Variants in CREB3L3 observed in about 807,000 individuals in gnomAD.
CREB3L3 encodes the protein cAMP responsive element binding protein 3 like 3, also known as cyclic AMP-responsive element-binding protein 3-like protein 3.
CREB3L3 carries 40 observed loss-of-function variants against 44.6 expected under a neutral mutation model. That is an observed-to-expected ratio of 0.90 (90% CI 0.70 to 1.17). The LOEUF (loss-of-function observed/expected upper bound fraction) is 1.17, where lower values mean the gene tolerates loss of function less well. Ranked by LOEUF, CREB3L3 falls within the 50% of genes most tolerant of loss-of-function variation. CREB3L3 has a pLI of 0.00. For missense variants in CREB3L3, 578 were observed against 595.8 expected (o/e 0.97, Z 0.31); for synonymous variants, 273 against 256.3 (o/e 1.06, Z -0.62).
rs185261549 is a variant in CREB3L3 at position 4,162,649 on chromosome 19, A to G, written c.577-1854A>G. On this transcript the variant is annotated intron_variant, in intron 4 of 9. Transcript: ENST00000078445. Reference sequence around the variant, plus strand: ...CAGTTAGCTATGATCACACGACTGCACTCCAGCCTGGGTGACACAGTGACA... The same window carrying G: ...CAGTTAGCTATGATCACACGACTGCGCTCCAGCCTGGGTGACACAGTGACA... Among the ~76,000 whole-genome samples the G allele has an allele frequency of 2.9e-3, 442 of 152,036 alleles. 3 individuals carry two copies. Among genetic ancestry groups the G allele is most frequent in the African/African-American group, 0.01 (427 of 41,464 alleles).
rs1967051991 is a variant in CREB3L3 at position 4,171,710 on chromosome 19, T to C, written c.1127T>C (p.Val376Ala). The C allele has an allele frequency of 4.3e-6, 7 of 1,613,132 alleles. No individual in the cohort carries two copies. The highest frequency in any genetic ancestry group is 1.6e-4 in the Middle Eastern group (1 of 6,084). ...DAASRVAADAVPGSEAPGPRP... is the reference protein window; with the variant it reads ...DAASRVAADAAPGSEAPGPRP... ...GCCTCCCGCGTGGCTGCTGATGCTG[T>C]GCCAGGCTCCGAGGCCCCAGGACCC... The change falls in exon 10 of 10, where the codon GTG becomes GCG. Residue 376 changes from valine (V) to alanine (A), a missense_variant. Val to Ala is a moderately conservative substitution (Grantham distance 64). Coordinates refer to ENST00000078445, the MANE Select transcript of CREB3L3 (RefSeq NM_032607.3). The surrounding 1 kb of genome is among the most constrained non-coding windows in gnomAD (Gnocchi z 4.9).
intron 2 of CREB3L3, among the ~76,000 whole-genome samples, 158 bp from the exon 3 acceptor site, chr19:4,156,837 A>G (rs2041586673): frequency 6.7e-6 from 1 of 150,368 alleles, no homozygotes; most frequent in Non-Finnish European, 1.5e-5. Context: ...ACTGCGTTTG[A>G]GCCTCAGCAG....
chr19:4,159,772 G>A lies in CREB3L3; in HGVS notation c.566G>A (p.Ser189Asn), dbSNP rs1483037807. The change falls in exon 4 of 10, where the codon AGT becomes AAT. Residue 189 changes from serine (S) to asparagine (N), a missense_variant. Transcript: ENST00000078445. ...TVKDLLLSGS[S>N]GDLQQHHLGA... is the part of the protein sequence containing the mutation. ...AAAGACCTCCTCCTTTCGGGCAGCAGTGGGGACCTGGTGAGCACCCCCACA... is the reference window on the plus strand; with the variant it reads ...AAAGACCTCCTCCTTTCGGGCAGCAATGGGGACCTGGTGAGCACCCCCACA... 2.0e-6 allele frequency: 3 copies of A among 1,477,628 alleles called. No homozygotes were observed. The highest frequency in any genetic ancestry group is 2.8e-6 in the Non-Finnish European group (3 of 1,055,666). The allele number at this position is 1,477,628 out of a possible 1,614,324, so 91.5% of individuals were successfully genotyped here. A position where few individuals can be genotyped will look rare whatever the true frequency, so the allele number is the denominator to read the frequency against.
At chr19:4,164,333 C>A in intron 4 of CREB3L3, 170 bp from the exon 5 acceptor site, 1 of 793,172 alleles carries the variant, frequency 1.3e-6, no homozygotes, top group Non-Finnish European at 2.1e-6. Flanking sequence ...GTCTCGATCT[C>A]CTGAGCTCAA....
chr19:4,168,591 C>G (rs1311026799), intron 6 of CREB3L3, 134 bp downstream of exon 6: 1 of 701,742 alleles, frequency 1.4e-6, no homozygotes, highest in African/African-American at 1.8e-5. Context: ...AGAGATCATG[C>G]TTCTTACTGA....
rs769178140 is a variant in CREB3L3, at chr19:4,171,837, G to A, written c.1254G>A (p.Leu418=). 1.9e-6 allele frequency: 3 copies of A among 1,613,566 alleles called. No homozygotes were observed. Among genetic ancestry groups the A allele is most frequent in the African/African-American group, 2.7e-5 (2 of 74,922 alleles). Residue 418 remains leucine (L), a synonymous_variant, in exon 10 of 10, where the codon CTG becomes CTA. Coordinates refer to ENST00000078445, the MANE Select transcript of CREB3L3 (RefSeq NM_032607.3). The surrounding 1 kb of genome is among the most constrained non-coding windows in gnomAD (Gnocchi z 4.9). ...TANLTNSTEE[L]DNATLVLRNA... is the part of the protein sequence containing the mutation. ...ACCTGACCAATTCGACGGAGGAGCT[G>A]GACAACGCCACCCTGGTCCTGAGGA...
intron 1 of CREB3L3, among the ~76,000 whole-genome samples, chr19:4,154,230 C>A (rs998591215): frequency 3.3e-5 from 5 of 151,884 alleles, no homozygotes; most frequent in African/African-American, 1.2e-4. Context: ...CACCACCACG[C>A]CCGGCTAATT....
chr19:4,165,957 T>A (rs1966896308), intron 5 of CREB3L3, among the ~76,000 whole-genome samples: 1 of 152,134 alleles, frequency 6.6e-6, no homozygotes, highest in African/African-American at 2.4e-5. Context: ...GAATGTCCTC[T>A]GTTTCATATT....
Position 4,160,934 on chromosome 19 carries a change from C to T in CREB3L3, c.576+1152C>T, listed in dbSNP as rs560171902. ...TTCTTTTTTTTTTTTTTTTTTGAGACGGAGTCTTGCTCTGTCACCTAGGCT... is the reference window on the plus strand; with the variant it reads ...TTCTTTTTTTTTTTTTTTTTTGAGATGGAGTCTTGCTCTGTCACCTAGGCT... On this transcript the variant is annotated intron_variant, in intron 4 of 9. Transcript: ENST00000078445. 1.4e-3 allele frequency among the ~76,000 whole-genome samples: 122 copies of T among 87,346 alleles called. 24 individuals are homozygous for T. Among genetic ancestry groups the T allele is most frequent in the Non-Finnish European group, 1.8e-3 (80 of 45,588 alleles). The allele number at this position is 87,346 out of a possible 152,430, so 57.3% of individuals were successfully genotyped here. A position where few individuals can be genotyped will look rare whatever the true frequency, so the allele number is the denominator to read the frequency against.
Position 4,157,052 on chromosome 19 carries a change from G to A in CREB3L3, c.214G>A (p.Asp72Asn). The part of the protein sequence containing the change: ...DFLSSILGSG[D>N]SLPSSPLWSP... ...CCTCAGCTCCATCCTGGGCTCTGGAGACTCACTGCCCAGCTCCCCACTCTG... is the reference window on the plus strand; with the variant it reads ...CCTCAGCTCCATCCTGGGCTCTGGAAACTCACTGCCCAGCTCCCCACTCTG... Residue 72 changes from aspartate (D) to asparagine (N), a missense_variant, in exon 3 of 10, where the codon GAC (aspartate) becomes AAC (asparagine). Physicochemically the swap from Asp to Asn is conservative, Grantham distance 23. Coordinates refer to ENST00000078445, the MANE Select transcript of CREB3L3 (RefSeq NM_032607.3). The A allele has an allele frequency of 6.2e-7, 1 of 1,614,012 alleles. No homozygotes were observed. The highest frequency in any genetic ancestry group is 8.5e-7 in the Non-Finnish European group (1 of 1,180,008).
At position 4,171,858 on chromosome 19, in the gene CREB3L3, G is replaced by C. The variant is rs773498032; in HGVS notation, c.1275G>C (p.Leu425=). 1 of 1,613,594 alleles carries C rather than the reference G, an allele frequency of 6.2e-7. No homozygotes were observed. Among genetic ancestry groups the C allele is most frequent in the South Asian group, 1.1e-5 (1 of 91,084 alleles). The change falls in exon 10 of 10, where the codon CTG becomes CTC. Residue 425 remains leucine, a synonymous_variant. Transcript: ENST00000078445. This position sits in a 1 kb window ranked among gnomAD's most constrained non-coding sequence, Gnocchi z 4.9. ...TEELDNATLV[L]RNATEGLGQV... is the part of the protein sequence containing the mutation. ...AGCTGGACAACGCCACCCTGGTCCT[G>C]AGGAATGCAACAGAGGGGCTGGGCC...
chr19:4,163,596 C>T (rs350859), intron 4 of CREB3L3, among the ~76,000 whole-genome samples: 58,136 of 151,724 alleles, frequency 0.38, 12,131 homozygotes, highest in East Asian at 0.84. Flanking sequence ...CACTGCAACC[C>T]CTGCCTCCCG....
chr19:4,170,240 G>C (rs376619122), intron 7 of CREB3L3, 32 bp downstream of exon 7: 36 of 1,605,702 alleles, frequency 2.2e-5, no homozygotes, highest in Non-Finnish European at 3.0e-5. Context: ...GCAGAGGACA[G>C]GGGAAGCAGC....
chr19:4,172,242 G>GA lies in CREB3L3; in HGVS notation c.*276dup. ...CAAAGAGCAGACACACATACAGCCTGAAACAGACCTGGACAGACAGACACA... is the reference window on the plus strand; with the variant it reads ...CAAAGAGCAGACACACATACAGCCTGAAAACAGACCTGGACAGACAGACACA... On this transcript the variant is annotated 3_prime_UTR_variant, in exon 10 of 10. Coordinates refer to ENST00000078445, the MANE Select transcript of CREB3L3 (RefSeq NM_032607.3). The GA allele has an allele frequency of 1.7e-6, 1 of 574,656 alleles. No homozygotes were observed. Among genetic ancestry groups the GA allele is most frequent in the Non-Finnish European group, 3.1e-6 (1 of 322,716 alleles). The allele number at this position is 574,656 out of a possible 1,614,324, so 35.6% of individuals were successfully genotyped here. A position where few individuals can be genotyped will look rare whatever the true frequency, so the allele number is the denominator to read the frequency against.
Position 4,168,050 on chromosome 19 carries a change from T to G in CREB3L3, c.715-301T>G, listed in dbSNP as rs537611459. On this transcript the variant is annotated intron_variant, in intron 5 of 9. Transcript: ENST00000078445. The stretch of plus-strand genomic sequence containing the variant: ...TTTCGCTCTTGTTGCCCAGGCTGGA[T>G]TGCAATGGCACGATCTTGGCTCACT... Among the ~76,000 whole-genome samples, 15 of 151,556 alleles carry G rather than the reference T, an allele frequency of 9.9e-5. No individual in the cohort carries two copies. The South Asian group carries it at 1.0e-3, about 11-fold the overall frequency.
At chr19:4,163,455 C>G (rs542552998) in intron 4 of CREB3L3, among the ~76,000 whole-genome samples, 2 of 152,284 alleles carry the variant, frequency 1.3e-5, no homozygotes, top group East Asian at 3.9e-4. Context: ...GGTAGAATGA[C>G]CCGGTCAAAG....
Position 4,171,434 on chromosome 19 carries a change from G to A in CREB3L3, c.1027G>A (p.Gly343Ser). The change falls in exon 9 of 10, where the codon GGC becomes AGC. Residue 343 changes from glycine to serine, a missense_variant. Physicochemically the swap from Gly to Ser is moderately conservative, Grantham distance 56 (BLOSUM62 0). Coordinates refer to ENST00000078445, the MANE Select transcript of CREB3L3 (RefSeq NM_032607.3). This position sits in a 1 kb window ranked among gnomAD's most constrained non-coding sequence, Gnocchi z 4.9. ...LIILPSISPF[G>S]PNKTESPGDF... ...CATCCTCCCCTCCATCAGCCCTTTTGGCCCCAACAAAACCGAGAGCCCTGG... is the reference window on the plus strand; with the variant it reads ...CATCCTCCCCTCCATCAGCCCTTTTAGCCCCAACAAAACCGAGAGCCCTGG... 6.2e-7 allele frequency: 1 copy of A among 1,614,068 alleles called. No individual in the cohort carries two copies. Among genetic ancestry groups the A allele is most frequent in the South Asian group, 1.1e-5 (1 of 91,076 alleles).
chr19:4,164,461 G>A (rs1353643929), intron 4 of CREB3L3, 42 bp from the exon 5 acceptor site: 4 of 1,612,386 alleles, frequency 2.5e-6, no homozygotes, highest in Admixed American at 3.3e-5. Flanking sequence ...AAGGCAGTTG[G>A]CGTCCCTGCA....
At chr19:4,156,961 C>T (rs1481706307) in intron 2 of CREB3L3, 34 bp from the exon 3 acceptor site, 7 of 1,611,406 alleles carry the variant, frequency 4.3e-6, no homozygotes, top group Non-Finnish European at 5.9e-6. Flanking sequence ...GTGAGCACTT[C>T]CTAATTCCTA....
Sources: gnomAD v4.1 joint callset for allele counts (sites outside exome capture counted in the v4.1 genomes callset) on GRCh38, gnomAD v4.1.1 for gene constraint, Gnocchi (gnomAD v3.1) non-coding constraint, MANE v1.5 for transcripts, NCBI Gene and HGNC (gene_info 2026-07-23, HGNC 2026-07-21) for gene names.